TAOK2: variants seen among roughly 807,000 people sequenced by gnomAD.
TAOK2 encodes the protein serine/threonine-protein kinase TAO2.
TAOK2 carries 42 observed loss-of-function variants against 122.5 expected under a neutral mutation model. That is an observed-to-expected ratio of 0.34 (90% CI 0.27 to 0.44). TAOK2 has a LOEUF of 0.44. TAOK2 is among the 20% of genes least tolerant of loss of function. The pLI, the probability that TAOK2 is intolerant of heterozygous loss-of-function variation, is 1.00. For missense variants in TAOK2, 1,264 were observed against 1,644.9 expected, an observed-to-expected ratio of 0.77 and a Z score of 4.01; for synonymous variants, 704 against 677.6, an observed-to-expected ratio of 1.04 and a Z score of -0.61.
At position 29,981,392 on chromosome 16, in the gene TAOK2, T is replaced by C. The variant is rs1189622692; in HGVS notation, c.656-269T>C. 6.7e-6 allele frequency: 4 copies of C among 601,030 alleles called. No individual in the cohort carries two copies. In the East Asian group the frequency reaches 1.1e-4, roughly 17 times the overall value. 37.2% of individuals were successfully genotyped at this position (601,030 alleles called of 1,614,324 possible). ...AAGAAATATTAGTTGGGGTGATAAC[T>C]GAATGGCTGTCCTTCTGCCTTCGTT... On this transcript the variant is annotated intron_variant, in intron 8 of 15. Coordinates refer to ENST00000308893, the MANE Select transcript of TAOK2 (RefSeq NM_016151.4).
At chr16:29,981,542 A>G (rs750525346) in intron 8 of TAOK2, 119 bp from the exon 9 acceptor site, 1 of 873,182 alleles carries the variant, frequency 1.1e-6, no homozygotes, top group African/African-American at 1.6e-5. Flanking sequence ...GAACTTCTCA[A>G]GGTCATGTGG....
In TAOK2 at chr16:29,987,794, G is replaced by GT; in HGVS notation, c.3523dup (p.Trp1175LeufsTer15). The stretch of plus-strand genomic sequence containing the variant: ...AGGGTTTAGCATCCCACTTGCCCCC[G>GT]TGGGCCATCCACACACTGGCCAGCT... On this transcript the variant is annotated frameshift_variant, in exon 16 of 16. Transcript: ENST00000308893. LOFTEE classifies it high-confidence loss of function. The GT allele has an allele frequency of 6.2e-7, 1 of 1,613,768 alleles. No homozygotes were observed. Among genetic ancestry groups the GT allele is most frequent in the Non-Finnish European group, 8.5e-7 (1 of 1,179,868 alleles).
chr16:29,983,564 C>T lies in TAOK2; in HGVS notation c.1322C>T (p.Pro441Leu), dbSNP rs371609102. The T allele has an allele frequency of 7.1e-5, 115 of 1,614,030 alleles. No individual in the cohort carries two copies. In the Admixed American group the frequency reaches 1.3e-3, roughly 18 times the overall value. ...GAGATAACCCCCAGCCCTCTCCAGC[C>T]GCCTGCAGCCCCAGCTCCCACTTCC... is the stretch of plus-strand genomic sequence containing the variant. ...QPEITPSPLQ[P>L]PAAPAPTSTT... Residue 441 changes from proline (P) to leucine (L), a missense_variant, in exon 13 of 16, where the codon CCG becomes CTG. By Grantham distance (98) the Pro-to-Leu change is moderately conservative. Around this residue, in one of 4 missense-constraint regions of TAOK2, gnomAD observed 122 missense variants for 116.7 expected, o/e 1.04. Coordinates refer to ENST00000308893, the MANE Select transcript of TAOK2 (RefSeq NM_016151.4).
chr16:29,988,780 G>T (rs1274910050), downstream of TAOK2: 3 of 985,276 alleles, frequency 3.0e-6, no homozygotes, highest in Non-Finnish European at 3.6e-6. Context: ...GGACGGGGCT[G>T]CAGACCCTCC....
chr16:29,981,354 C>T (rs141364524), intron 8 of TAOK2: 1 of 573,722 alleles, frequency 1.7e-6, no homozygotes, highest in African/African-American at 1.9e-5. Context: ...GTTATCTGCT[C>T]CCTTTGGCAC....
chr16:29,987,229 A>G lies in TAOK2; in HGVS notation c.2957A>G (p.Gln986Arg). 6.5e-7 allele frequency: 1 copy of G among 1,540,954 alleles called. No homozygotes were observed. ...LLAAQGGGGL[Q>R]AALLALEVGL... The stretch of plus-strand genomic sequence containing the variant: ...GCAGCCCAGGGTGGGGGTGGCCTGC[A>G]GGCAGCGCTGCTGGCCCTTGAGGTG... Residue 986 changes from glutamine (Q) to arginine (R), a missense_variant, in exon 16 of 16, where the codon CAG becomes CGG. Around this residue, in one of 4 missense-constraint regions of TAOK2, gnomAD observed 824 missense variants for 908.7 expected, o/e 0.91. Coordinates refer to ENST00000308893, the MANE Select transcript of TAOK2 (RefSeq NM_016151.4).
chr16:29,991,508 G>A (rs2069968914), downstream of TAOK2: 2 of 1,480,600 alleles, frequency 1.4e-6, no homozygotes, highest in Non-Finnish European at 1.8e-6. This position sits in a 1 kb window ranked among gnomAD's most constrained non-coding sequence, Gnocchi z 5.6. Context: ...CCGGGCCCCT[G>A]AGCCGCAGCA....
At chr16:29,991,469 G>C, downstream of TAOK2, 1 of 1,494,780 alleles carries the variant, frequency 6.7e-7, no homozygotes, top group Admixed American at 2.4e-5. This position sits in a 1 kb window ranked among gnomAD's most constrained non-coding sequence, Gnocchi z 5.6. Flanking sequence ...GTGGCAGTGA[G>C]AATGTGGGCC....
In TAOK2 at chr16:29,986,888, G is replaced by T; in HGVS notation, c.2616G>T (p.Leu872Phe). 2 of 1,614,102 alleles carry T rather than the reference G, an allele frequency of 1.2e-6. No individual in the cohort carries two copies. The highest frequency in any genetic ancestry group is 1.7e-6 in the Non-Finnish European group (2 of 1,179,982). ...VGQEEAGTWS[L>F]WGKEDESLLD... The stretch of plus-strand genomic sequence containing the variant: ...AGGAGGAGGCTGGGACATGGAGCTT[G>T]TGGGGGAAGGAGGATGAGAGTCTTC... Residue 872 changes from leucine (L) to phenylalanine (F), a missense_variant, in exon 16 of 16, where the codon TTG (leucine) becomes TTT (phenylalanine). By Grantham distance (22) the Leu-to-Phe change is conservative (BLOSUM62 0). This residue lies in a region of TAOK2 where 824 missense variants were observed against 908.7 expected (regional missense o/e 0.91). Transcript: ENST00000308893. The surrounding 1 kb of genome is among the most constrained non-coding windows in gnomAD (Gnocchi z 4.2).
chr16:29,978,860 G>C lies in TAOK2; in HGVS notation c.352+16G>C. ...CTTCTAGAAGGTAAGTGACTGATAG[G>C]CCAATAAGTGGAGAAGGGAGAAGAG... On this transcript the variant is annotated intron_variant, in intron 5 of 15. Coordinates refer to ENST00000308893, the MANE Select transcript of TAOK2 (RefSeq NM_016151.4). 2 of 1,614,090 alleles carry C rather than the reference G, an allele frequency of 1.2e-6. No homozygotes were observed. Among genetic ancestry groups the C allele is most frequent in the South Asian group, 1.1e-5 (1 of 91,088 alleles).
chr16:29,990,934 G>A (rs1482085390), downstream of TAOK2: 2 of 1,613,212 alleles, frequency 1.2e-6, no homozygotes, highest in Admixed American at 3.3e-5. Flanking sequence ...GGAGCAGAGG[G>A]TCGCGCTGCG....
Position 29,988,059 on chromosome 16 carries a change from C to A in TAOK2, c.*79C>A. 6.9e-7 allele frequency: 1 copy of A among 1,455,234 alleles called. No homozygotes were observed. The highest frequency in any genetic ancestry group is 1.4e-5 in the African/African-American group (1 of 70,580). 90.1% of individuals were successfully genotyped at this position (1,455,234 alleles called of 1,614,324 possible). On this transcript the variant is annotated 3_prime_UTR_variant, in exon 16 of 16. Coordinates refer to ENST00000308893, the MANE Select transcript of TAOK2 (RefSeq NM_016151.4). ...CGACTCAGTGAAGTTTCTCCAGTCC[C>A]TAGTCCTCTCTTTTCACCCACCTTC...
chr16:29,986,457 C>T lies in TAOK2; in HGVS notation c.2185C>T (p.Arg729Trp), dbSNP rs779224250. 2.5e-6 allele frequency: 4 copies of T among 1,605,330 alleles called. No homozygotes were observed. The highest frequency in any genetic ancestry group is 1.3e-5 in the African/African-American group (1 of 74,550). ...CAACAAGCGGCGTGAGCAAGAGTTG[C>T]GGCAGAAGCATGCGGCCCAGGTTCG... The part of the protein sequence containing the change: ...EYNKRREQEL[R>W]QKHAAQVRQQ... Residue 729 changes from arginine to tryptophan, a missense_variant, in exon 16 of 16, where the codon CGG becomes TGG. This residue lies in a region of TAOK2 where 824 missense variants were observed against 908.7 expected (regional missense o/e 0.91). Coordinates refer to ENST00000308893, the MANE Select transcript of TAOK2 (RefSeq NM_016151.4). The surrounding 1 kb of genome is among the most constrained non-coding windows in gnomAD (Gnocchi z 4.2).
intron 1 of TAOK2, among the ~76,000 whole-genome samples, chr16:29,974,981 T>G (rs947971351): frequency 6.6e-6 from 1 of 152,186 alleles, no homozygotes. Flanking sequence ...CTCCCTGATA[T>G]GTCCCGTTCT....
downstream of TAOK2, chr16:29,990,176 CTG>C (rs1222371874): frequency 8.8e-6 from 2 of 226,086 alleles, no homozygotes; most frequent in Non-Finnish European, 1.8e-5. Flanking sequence ...TTGAAAGTTG[CTG>C]TTCTAAAAAA....
downstream of TAOK2, chr16:29,991,314 G>A (rs764830648): frequency 8.7e-6 from 14 of 1,610,074 alleles, no homozygotes; most frequent in South Asian, 1.4e-4. The surrounding 1 kb of genome is among the most constrained non-coding windows in gnomAD (Gnocchi z 5.6). Context: ...GCCCCCTCCA[G>A]CCTGGCGTCA....
intron 13 of TAOK2, 97 bp downstream of exon 13, chr16:29,983,761 C>G: frequency 6.6e-7 from 1 of 1,504,880 alleles, no homozygotes; most frequent in Admixed American, 1.9e-5. Flanking sequence ...GGGATTGAGT[C>G]TGGATTCTAC....
At chr16:29,976,875 G>A (rs1417297828) in intron 1 of TAOK2, among the ~76,000 whole-genome samples, 1 of 152,228 alleles carries the variant, frequency 6.6e-6, no homozygotes, top group African/African-American at 2.4e-5. Flanking sequence ...TCGAAGGGCT[G>A]CTCTGAAATC....
At chr16:29,991,457 C>T (rs762168987), downstream of TAOK2, 2 of 1,500,502 alleles carry the variant, frequency 1.3e-6, no homozygotes, top group Non-Finnish European at 1.8e-6. This position sits in a 1 kb window ranked among gnomAD's most constrained non-coding sequence, Gnocchi z 5.6. Context: ...CCTCGGGGGG[C>T]AGTGGCAGTG....
Sources: gnomAD v4.1 joint callset for allele counts (sites outside exome capture counted in the v4.1 genomes callset) on GRCh38, gnomAD v4.1.1 for gene constraint, gnomAD v4.1.1 regional missense constraint, Gnocchi (gnomAD v3.1) non-coding constraint, MANE v1.5 for transcripts, NCBI Gene and HGNC (gene_info 2026-07-23, HGNC 2026-07-21) for gene names.